Variants in KAZN observed in about 807,000 individuals in gnomAD.
The protein encoded by KAZN is kazrin, periplakin interacting protein, also known as kazrin.
A neutral mutation model predicts 87.4 loss-of-function variants in KAZN; 40 were observed. That is an observed-to-expected ratio of 0.46 (90% CI 0.36 to 0.60). KAZN has a LOEUF of 0.60. Among genes scored for constraint, KAZN ranks in the 20% least tolerant of loss-of-function variants. KAZN has a pLI of 0.00. For synonymous variants in KAZN, 466 were observed against 458.3 expected, an observed-to-expected ratio of 1.02 and a Z score of -0.22; for missense variants, 898 against 1,073.9, an observed-to-expected ratio of 0.84 and a Z score of 2.29.
intron 2 of KAZN, among the ~76,000 whole-genome samples, chr1:14,410,728 T>C (rs1664236257): frequency 6.6e-6 from 1 of 152,024 alleles, no homozygotes; most frequent in Non-Finnish European, 1.5e-5. Flanking sequence ...AGAAGGGCAA[T>C]GTGAAAGAGA....
intron 1 of KAZN, among the ~76,000 whole-genome samples, chr1:14,620,354 C>T (rs1678597484): frequency 6.6e-6 from 1 of 152,238 alleles, no homozygotes; most frequent in African/African-American, 2.4e-5. Flanking sequence ...ACACAAGGCT[C>T]AGCAATGCCT....
chr1:14,652,970 G>A (rs1638549637), intron 1 of KAZN, among the ~76,000 whole-genome samples: 1 of 151,998 alleles, frequency 6.6e-6, no homozygotes, highest in South Asian at 2.1e-4. Flanking sequence ...CAAGAAAGCT[G>A]GCCTAAATGT....
intron 2 of KAZN, among the ~76,000 whole-genome samples, chr1:14,542,948 G>A (rs1277132127): frequency 1.4e-5 from 2 of 138,732 alleles, no homozygotes; most frequent in Non-Finnish European, 3.1e-5. Flanking sequence ...CTGCTCTTGG[G>A]TATGGAAAAG....
intron 1 of KAZN, among the ~76,000 whole-genome samples, chr1:14,796,797 C>T (rs1332653683): frequency 6.6e-6 from 1 of 152,204 alleles, no homozygotes; most frequent in Non-Finnish European, 1.5e-5. Context: ...AAGACACAAA[C>T]TTGACTGAAA....
intron 1 of KAZN, among the ~76,000 whole-genome samples, chr1:14,955,782 T>A (rs1300287844): frequency 1.3e-5 from 2 of 152,142 alleles, no homozygotes; most frequent in Non-Finnish European, 2.9e-5. Context: ...GAGTGCAGGG[T>A]GCAGAGAAGA....
At chr1:13,991,091 G>A (rs148150072) in intron 1 of KAZN, among the ~76,000 whole-genome samples, 15 of 152,090 alleles carry the variant, frequency 9.9e-5, no homozygotes, top group South Asian at 4.2e-4. Context: ...AACGCATCCC[G>A]TGAAATCAGT....
At chr1:14,335,219 T>TC (rs397979294) in intron 2 of KAZN, among the ~76,000 whole-genome samples, 1 of 150,610 alleles carries the variant, frequency 6.6e-6, no homozygotes, top group African/African-American at 2.4e-5. Context: ...TTTTTTTTTT[T>TC]GGAGATGGAG....
chr1:13,932,636 A>T (rs1640570754), intron 1 of KAZN, among the ~76,000 whole-genome samples: 1 of 152,300 alleles, frequency 6.6e-6, no homozygotes, highest in East Asian at 1.9e-4. Context: ...CATTTTATAG[A>T]TGAGGAAATA....
chr1:13,905,563 A>G (rs79374663), intron 1 of KAZN, among the ~76,000 whole-genome samples: 2,963 of 152,266 alleles, frequency 0.019, 98 homozygotes, highest in East Asian at 0.13. Context: ...ATCTTCCCTG[A>G]TGTCGAGCCC....
chr1:14,076,466 C>A (rs1643466412), intron 1 of KAZN, among the ~76,000 whole-genome samples: 1 of 152,162 alleles, frequency 6.6e-6, no homozygotes, highest in Admixed American at 6.5e-5. Flanking sequence ...GAAAGAACCA[C>A]CCCTGCCAAC....
At chr1:14,585,956 C>A (rs189797064) in intron 2 of KAZN, among the ~76,000 whole-genome samples, 1 of 152,182 alleles carries the variant, frequency 6.6e-6, no homozygotes, top group Admixed American at 6.5e-5. Flanking sequence ...GCAGCAGCTC[C>A]GTGTGCAAAG....
At chr1:14,800,466 C>T (rs563328096) in intron 1 of KAZN, among the ~76,000 whole-genome samples, 2 of 152,070 alleles carry the variant, frequency 1.3e-5, no homozygotes, top group African/African-American at 4.8e-5. Context: ...TTTGGGAGGC[C>T]GAGGCAAAAG....
chr1:13,998,764 C>T (rs1040210202), intron 1 of KAZN, among the ~76,000 whole-genome samples: 2 of 152,254 alleles, frequency 1.3e-5, no homozygotes, highest in Middle Eastern at 3.4e-3. Context: ...CACAATAATA[C>T]TGGGAAACTT....
intron 2 of KAZN, among the ~76,000 whole-genome samples, chr1:14,239,530 G>A (rs1363676950): frequency 7.2e-6 from 1 of 139,678 alleles, no homozygotes; most frequent in African/African-American, 2.7e-5. Flanking sequence ...GCGCAATCTC[G>A]GCTCACTGCA....
chr1:14,275,986 T>C (rs1224125533), intron 2 of KAZN, among the ~76,000 whole-genome samples: 3 of 152,152 alleles, frequency 2.0e-5, no homozygotes. Flanking sequence ...CCAGACTGCT[T>C]TGTGGCTGAG....
chr1:14,416,619 C>T (rs1664782291), intron 2 of KAZN, among the ~76,000 whole-genome samples: 1 of 152,076 alleles, frequency 6.6e-6, no homozygotes, highest in Non-Finnish European at 1.5e-5. Flanking sequence ...CACCTGTAAT[C>T]CCAGCTACTC....
At chr1:14,513,821 G>C (rs1040973681) in intron 2 of KAZN, among the ~76,000 whole-genome samples, 4 of 152,056 alleles carry the variant, frequency 2.6e-5, no homozygotes, top group Non-Finnish European at 5.9e-5. Context: ...TCATTTAACA[G>C]CTGAATTGTA....
At chr1:14,175,429 A>G (rs559384327) in intron 1 of KAZN, among the ~76,000 whole-genome samples, 52 of 152,342 alleles carry the variant, frequency 3.4e-4, no homozygotes, top group African/African-American at 1.2e-3. Context: ...AGCAGTTGCC[A>G]TACAATGTGG....
At chr1:14,078,389 C>T (rs916815429) in intron 1 of KAZN, among the ~76,000 whole-genome samples, 1 of 152,222 alleles carries the variant, frequency 6.6e-6, no homozygotes. Context: ...TTGAGCAAAT[C>T]ATCTATCATT....
Sources: allele counts gnomAD v4.1 joint callset (sites outside exome capture counted in the v4.1 genomes callset), GRCh38; gene constraint gnomAD v4.1.1; transcripts MANE v1.5; gene names NCBI Gene and HGNC (gene_info 2026-07-23, HGNC 2026-07-21).